Variants in BRINP1 observed in about 807,000 individuals in gnomAD.
BRINP1 encodes the protein BMP/retinoic acid-inducible neural-specific protein 1.
A neutral mutation model predicts 72.9 loss-of-function variants in BRINP1; 17 were observed. The observed-to-expected ratio is 0.23, with a 90% CI of 0.16 to 0.35. The LOEUF (loss-of-function observed/expected upper bound fraction) is 0.35, where lower values mean the gene tolerates loss of function less well. Among genes scored for constraint, BRINP1 ranks in the 10% least tolerant of loss-of-function variants. The pLI, the probability that BRINP1 is intolerant of heterozygous loss-of-function variation, is 1.00. For missense variants in BRINP1, 850 were observed against 1,001.6 expected (o/e 0.85, Z 2.04); for synonymous variants, 418 against 378.5 (o/e 1.10, Z -1.21).
chr9:119,222,962 C>T (rs375448305), intron 5 of BRINP1, among the ~76,000 whole-genome samples: 1 of 151,982 alleles, frequency 6.6e-6, no homozygotes, highest in East Asian at 1.9e-4. Context: ...CTGTAAGAGT[C>T]TGTGCTACCT....
chr9:119,338,771 T>C (rs1246205839), intron 1 of BRINP1, among the ~76,000 whole-genome samples: 1 of 148,432 alleles, frequency 6.7e-6, no homozygotes, highest in Non-Finnish European at 1.5e-5. Flanking sequence ...GGCGGGCGCC[T>C]GTACTCCGGA....
chr9:119,315,630 A>G (rs1484298067), intron 1 of BRINP1, among the ~76,000 whole-genome samples: 1 of 152,218 alleles, frequency 6.6e-6, no homozygotes, highest in Admixed American at 6.5e-5. Context: ...ATCAAAAGCT[A>G]GAAGGCATGG....
intron 7 of BRINP1, among the ~76,000 whole-genome samples, chr9:119,207,908 T>C (rs1463807316): frequency 1.3e-5 from 2 of 152,146 alleles, no homozygotes; most frequent in African/African-American, 4.8e-5. Context: ...CCTTTTGCTG[T>C]CTTGTGATGC....
At chr9:119,353,933 T>C (rs765590417) in intron 1 of BRINP1, among the ~76,000 whole-genome samples, 5 of 140,692 alleles carry the variant, frequency 3.6e-5, no homozygotes, top group Non-Finnish European at 6.1e-5. Context: ...CAGGCCTCAA[T>C]AGATCTGGAA....
intron 1 of BRINP1, among the ~76,000 whole-genome samples, chr9:119,329,818 G>C (rs1195030440): frequency 6.6e-6 from 1 of 152,136 alleles, no homozygotes; most frequent in Non-Finnish European, 1.5e-5. Flanking sequence ...TGAGAAAAAA[G>C]CCAGAAAGTT....
intron 7 of BRINP1, among the ~76,000 whole-genome samples, chr9:119,189,014 A>G (rs571398443): frequency 6.6e-6 from 1 of 152,336 alleles, no homozygotes; most frequent in East Asian, 1.9e-4. Context: ...TGCACAGTAT[A>G]AAACATATAA....
intron 1 of BRINP1, among the ~76,000 whole-genome samples, chr9:119,317,914 C>T (rs1402547577): frequency 6.6e-6 from 1 of 152,200 alleles, no homozygotes; most frequent in Non-Finnish European, 1.5e-5. Context: ...CTGAGACACA[C>T]TGCTATCCTA....
intron 2 of BRINP1, among the ~76,000 whole-genome samples, chr9:119,289,778 A>G (rs111580644): frequency 6.5e-4 from 99 of 152,344 alleles, no homozygotes; most frequent in Non-Finnish European, 1.1e-3. Context: ...TCATTGACCT[A>G]AGTCAGAAGG....
chr9:119,235,382 T>C (rs1472712896), intron 5 of BRINP1, among the ~76,000 whole-genome samples: 1 of 152,156 alleles, frequency 6.6e-6, no homozygotes, highest in Non-Finnish European at 1.5e-5. Context: ...TACCCCTTCA[T>C]AAAGATCCTC....
intron 1 of BRINP1, among the ~76,000 whole-genome samples, chr9:119,331,786 C>T (rs1026542974): frequency 2.0e-5 from 3 of 152,154 alleles, no homozygotes; most frequent in African/African-American, 7.2e-5. Flanking sequence ...TGAGGTTTCA[C>T]GAAGAATATT....
intron 6 of BRINP1, among the ~76,000 whole-genome samples, chr9:119,209,461 G>A (rs1487273078): frequency 4.6e-5 from 7 of 151,848 alleles, no homozygotes; most frequent in South Asian, 2.1e-4. Flanking sequence ...CCAGCTACTC[G>A]GGAGGCTGAG....
chr9:119,261,786 C>A (rs1186301743), intron 2 of BRINP1, among the ~76,000 whole-genome samples: 1 of 149,432 alleles, frequency 6.7e-6, no homozygotes, highest in African/African-American at 2.5e-5. Flanking sequence ...TCCTTCCTTC[C>A]TTCCTCCCTC....
intron 2 of BRINP1, among the ~76,000 whole-genome samples, chr9:119,275,569 C>T (rs182060586): frequency 6.6e-6 from 1 of 152,132 alleles, no homozygotes; most frequent in East Asian, 1.9e-4. Context: ...CAAGATTAAT[C>T]CTGAAATGGA....
At chr9:119,196,515 A>G (rs1476797753) in intron 7 of BRINP1, among the ~76,000 whole-genome samples, 1 of 152,184 alleles carries the variant, frequency 6.6e-6, no homozygotes. Context: ...TAATGATAAG[A>G]TGCAAACTCC....
chr9:119,346,335 C>T (rs567548128), intron 1 of BRINP1, among the ~76,000 whole-genome samples: 1 of 152,094 alleles, frequency 6.6e-6, no homozygotes, highest in African/African-American at 2.4e-5. Context: ...CTTTTTGACC[C>T]CATGGCCAAA....
At chr9:119,262,388 C>T (rs909025086) in intron 2 of BRINP1, among the ~76,000 whole-genome samples, 2 of 151,862 alleles carry the variant, frequency 1.3e-5, no homozygotes, top group Non-Finnish European at 2.9e-5. Flanking sequence ...AATCCCAGCA[C>T]TTTGGGAGGT....
At chr9:119,183,110 T>G (rs1325957182) in intron 7 of BRINP1, among the ~76,000 whole-genome samples, 1 of 152,212 alleles carries the variant, frequency 6.6e-6, no homozygotes, top group Non-Finnish European at 1.5e-5. Flanking sequence ...ACTGGAAGTA[T>G]GTATTAAAAT....
chr9:119,355,958 C>A (rs1391634997), intron 1 of BRINP1, among the ~76,000 whole-genome samples: 1 of 151,906 alleles, frequency 6.6e-6, no homozygotes, highest in Non-Finnish European at 1.5e-5. Context: ...AGCATTTGCA[C>A]CTTCTTTTCT....
chr9:119,217,074 A>G (rs1230552254), intron 5 of BRINP1, among the ~76,000 whole-genome samples: 2 of 152,224 alleles, frequency 1.3e-5, no homozygotes, highest in African/African-American at 4.8e-5. Context: ...TTAAAGTTAC[A>G]TAACCATTTC....
Sources: allele counts gnomAD v4.1 joint callset (sites outside exome capture counted in the v4.1 genomes callset), GRCh38; gene constraint gnomAD v4.1.1; transcripts MANE v1.5; gene names NCBI Gene and HGNC (gene_info 2026-07-23, HGNC 2026-07-21).